The following FYN variants were observed in gnomAD, a reference collection of about 807,000 sequenced individuals.
FYN encodes FYN proto-oncogene, Src family tyrosine kinase.
Under a neutral mutation model 70.2 loss-of-function variants are expected in FYN, and 10 were observed. That is an observed-to-expected ratio of 0.14 (90% CI 0.09 to 0.24). The LOEUF is 0.24. Ranked by LOEUF, FYN falls within the 10% of genes least tolerant of loss-of-function variation. The probability of loss-of-function intolerance (pLI) is 1.00; values close to 1 mark genes in which losing one functional copy is unlikely to be tolerated. For synonymous variants in FYN, 236 were observed against 248.6 expected (o/e 0.95, Z 0.48); for missense variants, 319 against 673.1 (o/e 0.47, Z 5.82).
intron 13 of FYN, among the ~76,000 whole-genome samples, chr6:111,666,018 T>TTTTTTTTC (rs1162492364): frequency 1.4e-5 from 2 of 143,300 alleles, no homozygotes; most frequent in East Asian, 2.1e-4. Context: ...TTTTTTTTTT[T>TTTTTTTTC]TGAGACAGAG....
rs1263557415 is a variant in FYN at position 111,661,333 on chromosome 6, C to A, written c.*406G>T. ...AATTTTATTGTTTTAGACAAAGAGG[C>A]CACTTTTGGAAAATAATACTTTTTT... is the stretch of plus-strand genomic sequence containing the variant. On this transcript the variant is annotated 3_prime_UTR_variant, in exon 14 of 14. Transcript: ENST00000354650. This position sits in a 1 kb window ranked among gnomAD's most constrained non-coding sequence, Gnocchi z 4.0. 1.3e-5 allele frequency: 2 copies of A among 156,230 alleles called. No individual in the cohort carries two copies. The highest frequency in any genetic ancestry group is 4.8e-5 in the African/African-American group (2 of 41,338). The allele number at this position is 156,230 out of a possible 1,614,324, so 9.7% of individuals were successfully genotyped here.
chr6:111,723,071 T>C (rs901015860), intron 3 of FYN, among the ~76,000 whole-genome samples: 1 of 152,154 alleles, frequency 6.6e-6, no homozygotes, highest in African/African-American at 2.4e-5. Flanking sequence ...AGAACACTCA[T>C]TGCAAACCAC....
chr6:111,669,160 T>C (rs1472925349), intron 13 of FYN, among the ~76,000 whole-genome samples: 2 of 152,034 alleles, frequency 1.3e-5, no homozygotes, highest in Non-Finnish European at 2.9e-5. Context: ...CCTGGCCTGG[T>C]GCAGTGGCTC....
At position 111,661,243 on chromosome 6, in the gene FYN, A is replaced by G. The variant is rs554797399; in HGVS notation, c.*496T>C. On this transcript the variant is annotated 3_prime_UTR_variant, in exon 14 of 14. Coordinates refer to ENST00000354650, the MANE Select transcript of FYN (RefSeq NM_002037.5). The surrounding 1 kb of genome is among the most constrained non-coding windows in gnomAD (Gnocchi z 4.0). ...GGACATATATATTATATATATTCAT[A>G]TTTATAAAAAAGAAAACAAAAACAA... 74 of 152,772 alleles carry G rather than the reference A, an allele frequency of 4.8e-4. No individual in the cohort carries two copies. The highest frequency in any genetic ancestry group is 7.0e-4 in the Non-Finnish European group (48 of 68,338). The allele number at this position is 152,772 out of a possible 1,614,324, so 9.5% of individuals were successfully genotyped here.
chr6:111,732,770 T>C (rs706913), intron 3 of FYN, among the ~76,000 whole-genome samples: 33,208 of 152,066 alleles, frequency 0.22, 8,544 homozygotes, highest in African/African-American at 0.62. Context: ...GGCTGGGAAG[T>C]GGGTGTGGTG....
At chr6:111,673,812 C>T (rs924088013) in intron 13 of FYN, among the ~76,000 whole-genome samples, 15 of 151,930 alleles carry the variant, frequency 9.9e-5, no homozygotes, top group African/African-American at 3.6e-4. Context: ...CACCATCTGT[C>T]GACGTTAATC....
At chr6:111,792,765 T>C (rs909712991) in intron 2 of FYN, among the ~76,000 whole-genome samples, 5 of 152,238 alleles carry the variant, frequency 3.3e-5, no homozygotes, top group African/African-American at 1.2e-4. Context: ...CTCTGCCATC[T>C]GCTAGGTCCT....
intron 1 of FYN, among the ~76,000 whole-genome samples, chr6:111,872,389 G>A (rs1774302822): frequency 6.9e-6 from 1 of 144,738 alleles, no homozygotes; most frequent in Non-Finnish European, 1.5e-5. Flanking sequence ...CCAGCACAGG[G>A]GAAAGGGGAA....
chr6:111,668,538 G>T (rs1333432411), intron 13 of FYN, among the ~76,000 whole-genome samples: 1 of 151,796 alleles, frequency 6.6e-6, no homozygotes, highest in Non-Finnish European at 1.5e-5. Flanking sequence ...AGAGAGGCAG[G>T]GTGCCCATGA....
At chr6:111,746,967 C>T (rs180796623) in intron 3 of FYN, among the ~76,000 whole-genome samples, 23 of 152,144 alleles carry the variant, frequency 1.5e-4, no homozygotes, top group East Asian at 9.7e-4. Flanking sequence ...AAAAGAGAGA[C>T]GCTAATTTAC....
intron 3 of FYN, among the ~76,000 whole-genome samples, chr6:111,762,121 G>T (rs1224657322): frequency 6.6e-6 from 1 of 152,168 alleles, no homozygotes; most frequent in Non-Finnish European, 1.5e-5. Flanking sequence ...TATCTAAGTG[G>T]CTTGAACTGG....
intron 1 of FYN, among the ~76,000 whole-genome samples, chr6:111,852,112 G>A (rs1773701935): frequency 6.6e-6 from 1 of 152,130 alleles, no homozygotes; most frequent in Admixed American, 6.5e-5. Flanking sequence ...TTGACTATCT[G>A]CTCACCACTG....
chr6:111,818,441 T>C (rs1387210691), intron 2 of FYN, among the ~76,000 whole-genome samples: 2 of 152,194 alleles, frequency 1.3e-5, no homozygotes, highest in African/African-American at 2.4e-5. Flanking sequence ...AAGGCATATA[T>C]ATGAAGACAA....
At chr6:111,810,382 C>T (rs550644544) in intron 2 of FYN, among the ~76,000 whole-genome samples, 1 of 152,250 alleles carries the variant, frequency 6.6e-6, no homozygotes, top group South Asian at 2.1e-4. Flanking sequence ...CAAGTGCAAT[C>T]AGTCATGGGA....
chr6:111,847,571 C>A (rs1343548889), intron 1 of FYN, among the ~76,000 whole-genome samples: 1 of 152,052 alleles, frequency 6.6e-6, no homozygotes, highest in Non-Finnish European at 1.5e-5. Context: ...GACTCTTAAG[C>A]TTTTCAATGT....
At chr6:111,842,892 C>T (rs1773407821) in intron 2 of FYN, among the ~76,000 whole-genome samples, 1 of 152,190 alleles carries the variant, frequency 6.6e-6, no homozygotes, top group Non-Finnish European at 1.5e-5. Flanking sequence ...CATGTACATT[C>T]TACATTAACA....
At chr6:111,808,480 G>A (rs1053587084) in intron 2 of FYN, among the ~76,000 whole-genome samples, 1 of 152,140 alleles carries the variant, frequency 6.6e-6, no homozygotes, top group African/African-American at 2.4e-5. Context: ...GGGCTGTAGC[G>A]AATCAGGAGG....
At chr6:111,764,983 T>C (rs1443432638) in intron 3 of FYN, among the ~76,000 whole-genome samples, 1 of 151,324 alleles carries the variant, frequency 6.6e-6, no homozygotes, top group African/African-American at 2.4e-5. Flanking sequence ...GCCCTCTCGG[T>C]GGGGCCGAAG....
chr6:111,690,697 T>C (rs571842604), intron 12 of FYN, among the ~76,000 whole-genome samples: 4 of 152,334 alleles, frequency 2.6e-5, no homozygotes, highest in Non-Finnish European at 4.4e-5. Flanking sequence ...TTTACATGCA[T>C]TGTTTCACTT....
Sources: gnomAD v4.1 joint callset for allele counts (sites outside exome capture counted in the v4.1 genomes callset) on GRCh38, gnomAD v4.1.1 for gene constraint, Gnocchi (gnomAD v3.1) non-coding constraint, MANE v1.5 for transcripts, NCBI Gene and HGNC (gene_info 2026-07-23, HGNC 2026-07-21) for gene names.